The following PCDHAC1 variants were observed in gnomAD, a reference collection of about 807,000 sequenced individuals.
PCDHAC1 encodes the protein protocadherin alpha-C1.
A neutral mutation model predicts 60.0 loss-of-function variants in PCDHAC1; 42 were observed. The ratio of observed to expected loss-of-function variants is 0.70; its 90% CI spans 0.55 to 0.90. The LOEUF (loss-of-function observed/expected upper bound fraction) is 0.90. Among genes scored for constraint, PCDHAC1 ranks in the 40% least tolerant of loss-of-function variants. The pLI, the probability that PCDHAC1 is intolerant of heterozygous loss-of-function variation, is 0.00. For missense variants in PCDHAC1, 1,160 were observed against 1,222.3 expected (o/e 0.95, Z 0.76); for synonymous variants, 468 against 499.3 (o/e 0.94, Z 0.84).
At chr5:140,929,391 A>G in intron 1 of PCDHAC1, 66 bp downstream of exon 1, 1 of 1,511,404 alleles carries the variant, frequency 6.6e-7, no homozygotes, top group South Asian at 1.4e-5. Flanking sequence ...GTTTTGAAAT[A>G]TTTCTTAGAC....
At chr5:141,006,058 G>T (rs1002161598) in intron 3 of PCDHAC1, among the ~76,000 whole-genome samples, 2 of 149,786 alleles carry the variant, frequency 1.3e-5, no homozygotes, top group Non-Finnish European at 3.0e-5. Flanking sequence ...GAGTGGAGAA[G>T]AAATAAAAAT....
intron 1 of PCDHAC1, chr5:140,967,333 C>T (rs113984883): frequency 1.9e-6 from 3 of 1,608,148 alleles, no homozygotes; most frequent in Admixed American, 1.7e-5. Context: ...AGCTCAGCCC[C>T]AGCGAGCACT....
At chr5:140,976,578 A>C (rs997881753) in intron 1 of PCDHAC1, among the ~76,000 whole-genome samples, 1 of 152,204 alleles carries the variant, frequency 6.6e-6, no homozygotes, top group Admixed American at 6.5e-5. Context: ...TATAAATAAA[A>C]CACAGACTTT....
intron 1 of PCDHAC1, among the ~76,000 whole-genome samples, chr5:140,946,042 C>T (rs967126849): frequency 4.6e-4 from 70 of 152,118 alleles, no homozygotes; most frequent in African/African-American, 1.6e-3. Flanking sequence ...AGTGAAGGGA[C>T]AATCCACAGA....
intron 1 of PCDHAC1, among the ~76,000 whole-genome samples, chr5:140,963,510 G>A (rs536524403): frequency 1.8e-4 from 28 of 152,328 alleles, no homozygotes; most frequent in Non-Finnish European, 2.8e-4. Flanking sequence ...TCTTGAAGGG[G>A]TTCTCATAAC....
chr5:140,982,354 A>G, intron 2 of PCDHAC1, 121 bp from the exon 3 acceptor site: 2 of 1,512,522 alleles, frequency 1.3e-6, no homozygotes, highest in East Asian at 2.4e-5. Flanking sequence ...CAGTTCAAGC[A>G]TGAGCAGAAT....
chr5:140,978,911 T>C, intron 1 of PCDHAC1, 38 bp from the exon 2 acceptor site: 1 of 1,613,856 alleles, frequency 6.2e-7, no homozygotes, highest in Non-Finnish European at 8.5e-7. Context: ...AACATTGTCT[T>C]GTCATTTTAA....
chr5:140,990,296 T>C (rs1231552034), intron 3 of PCDHAC1, among the ~76,000 whole-genome samples: 12 of 152,300 alleles, frequency 7.9e-5, no homozygotes, highest in African/African-American at 2.9e-4. Flanking sequence ...ATCGATGCCA[T>C]TGTCTGTAAA....
chr5:140,971,922 G>A (rs1433994919), intron 1 of PCDHAC1, among the ~76,000 whole-genome samples: 1 of 152,120 alleles, frequency 6.6e-6, no homozygotes, highest in Admixed American at 6.5e-5. Context: ...CACACTGCTA[G>A]TGTTATTTTA....
chr5:141,004,037 G>A (rs946974688), intron 3 of PCDHAC1, among the ~76,000 whole-genome samples: 1 of 152,200 alleles, frequency 6.6e-6, no homozygotes, highest in African/African-American at 2.4e-5. Flanking sequence ...TTCCTTGATT[G>A]ATCATTTGCT....
chr5:140,973,148 T>G (rs2096574239), intron 1 of PCDHAC1, among the ~76,000 whole-genome samples: 1 of 152,210 alleles, frequency 6.6e-6, no homozygotes, highest in Non-Finnish European at 1.5e-5. Context: ...TTCACTTATT[T>G]TAAAGCAATT....
At position 140,968,051 on chromosome 5, in the gene PCDHAC1, C is replaced by A. The variant is rs1353005851; in HGVS notation, c.2434-10898C>A. On this transcript the variant is annotated intron_variant, in intron 1 of 3. Transcript: ENST00000253807. ...ACTGGTGGTGAGCGGCCCACTGGACCGAGAGCGGGTGGCTGTCTACAACAT... is the reference window on the plus strand; with the variant it reads ...ACTGGTGGTGAGCGGCCCACTGGACAGAGAGCGGGTGGCTGTCTACAACAT... The A allele has an allele frequency of 1.9e-6, 3 of 1,614,018 alleles. No homozygotes were observed. The Admixed American group carries it at 5.0e-5, about 27-fold the overall frequency.
At chr5:141,008,434 A>G (rs1466409442) in intron 3 of PCDHAC1, among the ~76,000 whole-genome samples, 2 of 152,196 alleles carry the variant, frequency 1.3e-5, no homozygotes, top group Admixed American at 6.5e-5. Context: ...CACTTTGCCC[A>G]GACAGACCAT....
In PCDHAC1 at chr5:140,959,884, G is replaced by A. The variant is rs141989766; in HGVS notation, c.2434-19065G>A. On this transcript the variant is annotated intron_variant, in intron 1 of 3. Coordinates refer to ENST00000253807, the MANE Select transcript of PCDHAC1 (RefSeq NM_018898.5). ...TAGCAAAATCTGTCAAGGAATACAC[G>A]AGTGGGATTTATATCAGAAAAATCA... Among the ~76,000 whole-genome samples, 570 of 152,254 alleles carry A rather than the reference G, an allele frequency of 3.7e-3. 1 individual carries two copies. The highest frequency in any genetic ancestry group is 6.9e-3 in the Non-Finnish European group (471 of 68,018).
chr5:140,952,371 C>T (rs186648472), intron 1 of PCDHAC1, among the ~76,000 whole-genome samples: 1 of 151,860 alleles, frequency 6.6e-6, no homozygotes, highest in African/African-American at 2.4e-5. Flanking sequence ...AAGAAATTTC[C>T]TCTGCCAGGT....
chr5:140,928,541 AC>A lies in PCDHAC1; in HGVS notation c.1650del (p.Asp550GlufsTer35). 6 of 1,614,192 alleles carry A rather than the reference AC, an allele frequency of 3.7e-6. No homozygotes were observed. Among genetic ancestry groups the A allele is most frequent in the Non-Finnish European group, 5.1e-6 (6 of 1,180,034 alleles). On this transcript the variant is annotated frameshift_variant, in exon 1 of 4. Transcript: ENST00000253807. LOFTEE classifies it high-confidence loss of function. ...TINLFVVDRNDNYPVILFPLP... is the reference protein window; with the variant it reads ...TINLFVVDRNXNYPVILFPLP... ...AACTTGTTTGTGGTAGATAGGAATGACAATTATCCGGTTATCTTGTTTCCCT... is the reference window on the plus strand; with the variant it reads ...AACTTGTTTGTGGTAGATAGGAATGAAATTATCCGGTTATCTTGTTTCCCT...
rs535420158 is a variant in PCDHAC1, at chr5:140,966,438, T to TC, written c.2434-12508dup. Reference sequence around the variant, plus strand: ...AGGACTTGCTGAGCCCTCCTACCGCTCCCTTTCCCCCTCCCCCTCTGTCTT... The same window carrying TC: ...AGGACTTGCTGAGCCCTCCTACCGCTCCCCTTTCCCCCTCCCCCTCTGTCTT... On this transcript the variant is annotated intron_variant, in intron 1 of 3. Transcript: ENST00000253807. 1.4e-5 allele frequency: 6 copies of TC among 422,688 alleles called. No homozygotes were observed. The East Asian group carries it at 1.4e-4, about 10-fold the overall frequency. 26.2% of individuals were successfully genotyped at this position (422,688 alleles called of 1,614,324 possible).
rs782751899 is a variant in PCDHAC1 at position 140,967,272 on chromosome 5, T to G, written c.2434-11677T>G. The G allele has an allele frequency of 1.2e-6, 2 of 1,613,412 alleles. No homozygotes were observed. Among genetic ancestry groups the G allele is most frequent in the East Asian group, 2.2e-5 (1 of 44,860 alleles). On this transcript the variant is annotated intron_variant, in intron 1 of 3. Transcript: ENST00000253807. ...GTGGCGCCTGGAGCGCGCTTTCACA[T>G]AGAGAGTGCGCAGGACCCCGACGTG...
chr5:140,937,442 A>AAAATATCATTTTAAAATATCATTAT (rs2091531773), intron 1 of PCDHAC1, among the ~76,000 whole-genome samples: 1 of 152,160 alleles, frequency 6.6e-6, no homozygotes, highest in Non-Finnish European at 1.5e-5. Context: ...ATGCTATTTT[A>AAAATATCATTTTAAAATATCATTAT]AAAGTTTAAT....
Sources: allele counts gnomAD v4.1 joint callset (sites outside exome capture counted in the v4.1 genomes callset), GRCh38; gene constraint gnomAD v4.1.1; transcripts MANE v1.5; gene names NCBI Gene and HGNC (gene_info 2026-07-23, HGNC 2026-07-21).